Variants in OGFRL1 observed in about 807,000 individuals in gnomAD.
The protein encoded by OGFRL1 is opioid growth factor receptor like 1, also known as opioid growth factor receptor-like protein 1.
Under a neutral mutation model 32.4 loss-of-function variants are expected in OGFRL1, and 26 were observed. That is an observed-to-expected ratio of 0.80 (90% confidence interval 0.59 to 1.11). The LOEUF (loss-of-function observed/expected upper bound fraction) is 1.11, where lower values mean the gene tolerates loss of function less well. OGFRL1 is among the 50% of genes most tolerant of loss of function. The pLI is 0.00. For synonymous variants in OGFRL1, 211 were observed against 201.2 expected (o/e 1.05, Z -0.41); for missense variants, 521 against 546.4 (o/e 0.95, Z 0.46).
At chr6:71,301,248 A>T in intron 6 of OGFRL1, 138 bp from the exon 7 acceptor site, 1 of 712,856 alleles carries the variant, frequency 1.4e-6, no homozygotes, top group East Asian at 2.5e-5. Context: ...ATGGTATCAA[A>T]TATGGCATTA....
intron 1 of OGFRL1, chr6:71,289,812 G>A (rs1301591896): frequency 1.0e-6 from 1 of 985,346 alleles, no homozygotes; most frequent in Non-Finnish European, 1.2e-6. Flanking sequence ...TGGAGGAGAG[G>A]TTAGTCAAGA....
Position 71,302,025 on chromosome 6 carries a change from C to T in OGFRL1, c.1332C>T (p.Cys444=), listed in dbSNP as rs554816887. The T allele has an allele frequency of 9.5e-6, 15 of 1,584,904 alleles. No homozygotes were observed. Among genetic ancestry groups the T allele is most frequent in the Middle Eastern group, 3.4e-4 (2 of 5,906 alleles). The change falls in exon 7 of 7, where the codon TGC becomes TGT. Residue 444 remains cysteine, a synonymous_variant. Coordinates refer to ENST00000370435, the MANE Select transcript of OGFRL1 (RefSeq NM_024576.5). ...QDNENPGNTN[C]HDVVLVQ ...ATGAAAATCCTGGAAATACAAATTG[C>T]CATGATGTTGTACTAGTACAGTGAA... is the stretch of plus-strand genomic sequence containing the variant.
intron 3 of OGFRL1, among the ~76,000 whole-genome samples, chr6:71,294,894 C>T (rs1582552663): frequency 1.3e-5 from 2 of 152,176 alleles, no homozygotes; most frequent in Admixed American, 6.5e-5. Context: ...AAATATTAAA[C>T]ATAAAGCTAT....
intron 1 of OGFRL1, among the ~76,000 whole-genome samples, chr6:71,290,716 T>C (rs943502139): frequency 2.0e-5 from 3 of 152,354 alleles, no homozygotes; most frequent in Non-Finnish European, 4.4e-5. Context: ...CAGGTAATAC[T>C]GGAGCTACTT....
Position 71,288,919 on chromosome 6 carries a change from CCCG to C in OGFRL1, c.-9_-7del, listed in dbSNP as rs1185514805. On this transcript the variant is annotated 5_prime_UTR_variant, in exon 1 of 7. Coordinates refer to ENST00000370435, the MANE Select transcript of OGFRL1 (RefSeq NM_024576.5). ...CGCCCCGCAGCCCCGCAGCCCCGCG[CCCG>C]CCGCCGCCTCTTCAATGGGCAACCT... 10 of 1,320,948 alleles carry C rather than the reference CCCG, an allele frequency of 7.6e-6. No homozygotes were observed. Among genetic ancestry groups the C allele is most frequent in the East Asian group, 4.4e-5 (1 of 22,940 alleles). The allele number at this position is 1,320,948 out of a possible 1,614,324, so 81.8% of individuals were successfully genotyped here. A position where few individuals can be genotyped will look rare whatever the true frequency, so the allele number is the denominator to read the frequency against.
Position 71,288,933 on chromosome 6 carries a change from T to A in OGFRL1, c.-4T>A. On this transcript the variant is annotated 5_prime_UTR_variant, in exon 1 of 7. Transcript: ENST00000370435. ...GCAGCCCCGCGCCCGCCGCCGCCTC[T>A]TCAATGGGCAACCTGCTCGGCGGGG... is the stretch of plus-strand genomic sequence containing the variant. 7.4e-7 allele frequency: 1 copy of A among 1,358,986 alleles called. No homozygotes were observed. Among genetic ancestry groups the A allele is most frequent in the Non-Finnish European group, 9.6e-7 (1 of 1,039,406 alleles). 84.2% of individuals were successfully genotyped at this position (1,358,986 alleles called of 1,614,324 possible). A position where few individuals can be genotyped will look rare whatever the true frequency, so the allele number is the denominator to read the frequency against.
At chr6:71,298,596 G>T (rs1470685670) in intron 6 of OGFRL1, among the ~76,000 whole-genome samples, 2 of 152,136 alleles carry the variant, frequency 1.3e-5, no homozygotes, top group Non-Finnish European at 2.9e-5. Flanking sequence ...GATTTCCAGG[G>T]TTGAGGCAGG....
chr6:71,289,197 T>A (rs1765959347), intron 1 of OGFRL1, 27 bp downstream of exon 1: 4 of 1,062,100 alleles, frequency 3.8e-6, no homozygotes, highest in Non-Finnish European at 4.5e-6. Context: ...TGGCCTCGGG[T>A]CGGGCTGGGG....
At chr6:71,298,264 CAG>C (rs1463949421) in intron 6 of OGFRL1, among the ~76,000 whole-genome samples, 1 of 152,138 alleles carries the variant, frequency 6.6e-6, no homozygotes, top group South Asian at 2.1e-4. Flanking sequence ...TAGCTCTGGA[CAG>C]AGTTTCTAAA....
Position 71,302,157 on chromosome 6 carries a change from T to G in OGFRL1, c.*108T>G. The stretch of plus-strand genomic sequence containing the variant: ...CAATTTCAAATTTTAGCCATCTGTT[T>G]GTGATTTCTGTCATAAGCATTTTGT... On this transcript the variant is annotated 3_prime_UTR_variant, in exon 7 of 7. Coordinates refer to ENST00000370435, the MANE Select transcript of OGFRL1 (RefSeq NM_024576.5). 1 of 941,758 alleles carries G rather than the reference T, an allele frequency of 1.1e-6. No individual in the cohort carries two copies. Among genetic ancestry groups the G allele is most frequent in the Non-Finnish European group, 1.5e-6 (1 of 668,142 alleles). The allele number at this position is 941,758 out of a possible 1,614,324, so 58.3% of individuals were successfully genotyped here.
At chr6:71,301,358 A>C in intron 6 of OGFRL1, 28 bp from the exon 7 acceptor site, 1 of 1,514,810 alleles carries the variant, frequency 6.6e-7, no homozygotes, top group Non-Finnish European at 8.9e-7. Context: ...GATTTCCCCC[A>C]CTCATTTTAT....
intron 6 of OGFRL1, among the ~76,000 whole-genome samples, 161 bp from the exon 7 acceptor site, chr6:71,301,225 T>C (rs1437365603): frequency 1.3e-5 from 2 of 152,248 alleles, no homozygotes; most frequent in Non-Finnish European, 2.9e-5. Flanking sequence ...TAATACCCTC[T>C]GGTTTATTCT....
intron 1 of OGFRL1, 193 bp downstream of exon 1, chr6:71,289,363 G>C: frequency 1.0e-6 from 1 of 983,764 alleles, no homozygotes; most frequent in Non-Finnish European, 1.2e-6. Flanking sequence ...CCAAAGCGCC[G>C]GACCCTCCCA....
At position 71,308,353 on chromosome 6, in the gene OGFRL1, A is replaced by C. The variant is rs1340505353; in HGVS notation, c.*6304A>C. ...GACAAGCATTTTCCTCCTGTTTTTA[A>C]AAAGGGCTTTAAGTTGTTTCCTATG... On this transcript the variant is annotated 3_prime_UTR_variant, in exon 7 of 7. Transcript: ENST00000370435. 1 of 152,256 alleles carries C rather than the reference A, an allele frequency of 6.6e-6. No homozygotes were observed. The highest frequency in any genetic ancestry group is 1.5e-5 in the Non-Finnish European group (1 of 68,048). The allele number at this position is 152,256 out of a possible 1,614,324, so 9.4% of individuals were successfully genotyped here. A position where few individuals can be genotyped will look rare whatever the true frequency, so the allele number is the denominator to read the frequency against.
Position 71,288,841 on chromosome 6 carries a change from C to A in OGFRL1, c.-96C>A. On this transcript the variant is annotated 5_prime_UTR_variant, in exon 1 of 7. Coordinates refer to ENST00000370435, the MANE Select transcript of OGFRL1 (RefSeq NM_024576.5). Reference sequence around the variant, plus strand: ...GGGGCGGGCGCGCCTAGGCTGCCGCCCAGCGCCCTCGCCGCGGCCATGCCC... The same window carrying A: ...GGGGCGGGCGCGCCTAGGCTGCCGCACAGCGCCCTCGCCGCGGCCATGCCC... The A allele has an allele frequency of 1.1e-6, 1 of 930,496 alleles. No individual in the cohort carries two copies. The highest frequency in any genetic ancestry group is 1.3e-6 in the Non-Finnish European group (1 of 769,068). 57.6% of individuals were successfully genotyped at this position (930,496 alleles called of 1,614,324 possible). A position where few individuals can be genotyped will look rare whatever the true frequency, so the allele number is the denominator to read the frequency against.
At position 71,297,807 on chromosome 6, in the gene OGFRL1, TTTA is replaced by T. The variant is rs752029020; in HGVS notation, c.692+1001_692+1003del. Among the ~76,000 whole-genome samples, 8 of 151,636 alleles carry T rather than the reference TTTA, an allele frequency of 5.3e-5. No homozygotes were observed. In the South Asian group the frequency reaches 6.2e-4, roughly 12 times the overall value. ...GGGTATAAATATATATATTTTTAAT[TTTA>T]TTATTATTATACTTTAAGTTTTAGG... On this transcript the variant is annotated intron_variant, in intron 6 of 6. Coordinates refer to ENST00000370435, the MANE Select transcript of OGFRL1 (RefSeq NM_024576.5).
intron 3 of OGFRL1, chr6:71,295,449 T>A (rs1383652396): frequency 1.3e-5 from 2 of 152,238 alleles, no homozygotes; most frequent in East Asian, 3.8e-4. Flanking sequence ...TGTAAGGACC[T>A]TGACAGACTT....
chr6:71,307,095 T>C lies in OGFRL1; in HGVS notation c.*5046T>C, dbSNP rs557602273. ...AAATAACCTCTTAATATGTTTATTT[T>C]CCTGAACTAAAGTTTTCATGTAGAG... On this transcript the variant is annotated 3_prime_UTR_variant, in exon 7 of 7. Transcript: ENST00000370435. The C allele has an allele frequency of 2.6e-5, 4 of 152,364 alleles. No homozygotes were observed. The South Asian group carries it at 8.3e-4, about 32-fold the overall frequency. 9.4% of individuals were successfully genotyped at this position (152,364 alleles called of 1,614,324 possible).
rs773746901 is a variant in OGFRL1, at chr6:71,293,366, G to C, written c.308G>C (p.Arg103Pro). The change falls in exon 2 of 7, where the codon CGA (arginine) becomes CCA (proline). Residue 103 changes from arginine (R) to proline (P), a missense_variant. Transcript: ENST00000370435. ...GCTGCCAGGGATTTGTACAAGTACC[G>C]ACACCAGTACCCAGTAAGAGTATAG... Reference protein sequence around the residue: ...FYAARDLYKYRHQYPNFKDIR... With the variant: ...FYAARDLYKYPHQYPNFKDIR... The C allele has an allele frequency of 1.9e-6, 3 of 1,613,502 alleles. No homozygotes were observed. Among genetic ancestry groups the C allele is most frequent in the Non-Finnish European group, 2.5e-6 (3 of 1,179,680 alleles).
Sources: gnomAD v4.1 joint callset for allele counts (sites outside exome capture counted in the v4.1 genomes callset) on GRCh38, gnomAD v4.1.1 for gene constraint, MANE v1.5 for transcripts, NCBI Gene and HGNC (gene_info 2026-07-23, HGNC 2026-07-21) for gene names.